The following ARID3B variants were observed in gnomAD, a reference collection of about 807,000 sequenced individuals.
The protein encoded by ARID3B is AT-rich interaction domain 3B, also known as AT-rich interactive domain-containing protein 3B.
In ARID3B, 10 loss-of-function variants were observed where a neutral mutation model predicts 51.9. That is an observed-to-expected ratio of 0.19 (90% CI 0.12 to 0.33). ARID3B has a LOEUF of 0.33. ARID3B is among the 10% of genes least tolerant of loss of function. ARID3B has a pLI of 1.00. For synonymous variants in ARID3B, 205 were observed against 279.5 expected, an observed-to-expected ratio of 0.73 and a Z score of 2.66; for missense variants, 483 against 716.3, an observed-to-expected ratio of 0.67 and a Z score of 3.72.
rs1596252943 is a variant in ARID3B, at chr15:74,556,546, A to T, written c.552+12058A>T. 1.3e-5 allele frequency among the ~76,000 whole-genome samples: 2 copies of T among 152,208 alleles called. 1 individual carries two copies. Among genetic ancestry groups the T allele is most frequent in the South Asian group, 4.1e-4 (2 of 4,830 alleles). ...CTGTGCTTTCAAACATTGGTACCTT[A>T]GAAATTCTAGTTTTAACATCTACCT... On this transcript the variant is annotated intron_variant, in intron 2 of 8. Coordinates refer to ENST00000346246, the MANE Select transcript of ARID3B (RefSeq NM_006465.4).
Position 74,591,427 on chromosome 15 carries a change from C to G in ARID3B, c.1158C>G (p.Leu386=), listed in dbSNP as rs986380329. Residue 386 remains leucine, a synonymous_variant, in exon 6 of 9, where the codon CTC becomes CTG. Coordinates refer to ENST00000346246, the MANE Select transcript of ARID3B (RefSeq NM_006465.4). This position sits in a 1 kb window ranked among gnomAD's most constrained non-coding sequence, Gnocchi z 5.8. ...SSPRISPATT[L]RKGDGAPVTT... is the part of the protein sequence containing the mutation. ...CTCGGATATCCCCAGCAACCACTCT[C>G]AGGAAAGGTCAGCAGGGCTCCTGGG... is the stretch of plus-strand genomic sequence containing the variant. 1 of 1,602,408 alleles carries G rather than the reference C, an allele frequency of 6.2e-7. No homozygotes were observed. The highest frequency in any genetic ancestry group is 8.5e-7 in the Non-Finnish European group (1 of 1,170,480).
intron 2 of ARID3B, among the ~76,000 whole-genome samples, chr15:74,549,699 A>G (rs182573283): frequency 1.3e-5 from 2 of 152,326 alleles, no homozygotes; most frequent in African/African-American, 4.8e-5. Context: ...TTATAGAGCT[A>G]CCTTGCATGC....
intron 4 of ARID3B, among the ~76,000 whole-genome samples, chr15:74,584,523 G>A (rs1270063274): frequency 6.6e-6 from 1 of 152,184 alleles, no homozygotes; most frequent in Non-Finnish European, 1.5e-5. Flanking sequence ...GGGCAGGAAG[G>A]CAGCCATATG....
rs2061827476 is a variant in ARID3B, at chr15:74,596,780, G to A, written c.*1006G>A. On this transcript the variant is annotated 3_prime_UTR_variant, in exon 9 of 9. Transcript: ENST00000346246. ...CATCTCTGAAATCTTTTTTATATGT[G>A]TTTTGCTGACTTTTGTTTTTTTTTT... 1 of 230,256 alleles carries A rather than the reference G, an allele frequency of 4.3e-6. No individual in the cohort carries two copies. Among genetic ancestry groups the A allele is most frequent in the African/African-American group, 2.3e-5 (1 of 43,366 alleles). 14.3% of individuals were successfully genotyped at this position (230,256 alleles called of 1,614,324 possible). A position where few individuals can be genotyped will look rare whatever the true frequency, so the allele number is the denominator to read the frequency against.
At chr15:74,566,368 G>A (rs1238447998) in intron 2 of ARID3B, among the ~76,000 whole-genome samples, 1 of 152,024 alleles carries the variant, frequency 6.6e-6, no homozygotes, top group Non-Finnish European at 1.5e-5. Flanking sequence ...GGGAGGCTGA[G>A]ACGGGCAGAT....
intron 1 of ARID3B, among the ~76,000 whole-genome samples, chr15:74,541,934 T>C (rs2061596919): frequency 6.6e-6 from 1 of 152,160 alleles, no homozygotes; most frequent in African/African-American, 2.4e-5. Flanking sequence ...TGGCATTGTT[T>C]GGATCGCTGG....
intron 4 of ARID3B, chr15:74,575,000 CA>C (rs907146055): frequency 0.016 from 852 of 52,758 alleles, 3 homozygotes; most frequent in East Asian, 0.059. Flanking sequence ...GACTCCATCT[CA>C]AAAAAAAAAA....
chr15:74,594,445 C>T (rs975338282), intron 8 of ARID3B, among the ~76,000 whole-genome samples: 5 of 151,794 alleles, frequency 3.3e-5, no homozygotes, highest in African/African-American at 1.2e-4. Context: ...GAGACTCCGT[C>T]TCAAAAAAAA....
intron 4 of ARID3B, 25 bp downstream of exon 4, chr15:74,573,229 C>G: frequency 6.2e-7 from 1 of 1,608,358 alleles, no homozygotes; most frequent in South Asian, 1.1e-5. Flanking sequence ...ACTCATCATT[C>G]CAATTCAGGG....
intron 2 of ARID3B, among the ~76,000 whole-genome samples, chr15:74,549,366 C>T (rs926986513): frequency 1.3e-5 from 2 of 152,010 alleles, no homozygotes; most frequent in Admixed American, 1.3e-4. Flanking sequence ...TGAGCCACTG[C>T]GCCCGGCCGG....
chr15:74,542,356 A>T (rs945476480), intron 1 of ARID3B, among the ~76,000 whole-genome samples: 1 of 152,242 alleles, frequency 6.6e-6, no homozygotes, highest in Non-Finnish European at 1.5e-5. Context: ...CTGCAAGCGT[A>T]ACTCACACTT....
chr15:74,573,475 CT>C lies in ARID3B; in HGVS notation c.697+273del, dbSNP rs1596258674. 2.1e-5 allele frequency: 10 copies of C among 482,746 alleles called. No individual in the cohort carries two copies. In the East Asian group the frequency reaches 3.6e-4, roughly 17 times the overall value. 29.9% of individuals were successfully genotyped at this position (482,746 alleles called of 1,614,324 possible). On this transcript the variant is annotated intron_variant, in intron 4 of 8. Transcript: ENST00000346246. ...TCCAATTGACTGGTCTCTGGAGTCA[CT>C]TCAAATTCAAATATGCCTTTTTTAA...
At position 74,541,948 on chromosome 15, in the gene ARID3B, C is replaced by A. The variant is rs547172664; in HGVS notation, c.-78+618C>A. ...GTGGCATTGTTTGGATCGCTGGCTG[C>A]TTAGGGACTGCGGGAAAATGGGCTC... On this transcript the variant is annotated intron_variant, in intron 1 of 8. Transcript: ENST00000346246. Among the ~76,000 whole-genome samples, 8 of 152,204 alleles carry A rather than the reference C, an allele frequency of 5.3e-5. No individual in the cohort carries two copies. The East Asian group carries it at 1.5e-3, about 29-fold the overall frequency.
chr15:74,568,041 T>G (rs1473106625), intron 2 of ARID3B, among the ~76,000 whole-genome samples: 1 of 152,204 alleles, frequency 6.6e-6, no homozygotes, highest in Non-Finnish European at 1.5e-5. Flanking sequence ...TCTCCCCTGA[T>G]CCTCTGTCTT....
At chr15:74,561,541 T>C (rs2061679482) in intron 2 of ARID3B, among the ~76,000 whole-genome samples, 1 of 152,194 alleles carries the variant, frequency 6.6e-6, no homozygotes. Context: ...AGTGAGGCAG[T>C]TATAAGCAGG....
intron 4 of ARID3B, among the ~76,000 whole-genome samples, chr15:74,583,031 C>CAAGAAAAAAAAAAAAA (rs2061767480): frequency 9.7e-6 from 1 of 102,804 alleles, no homozygotes. Context: ...CCATCTCTAC[C>CAAGAAAAAAAAAAAAA]AAAAAAAAAA....
chr15:74,589,858 A>C lies in ARID3B; in HGVS notation c.736A>C (p.Ile246Leu). 1 of 1,613,654 alleles carries C rather than the reference A, an allele frequency of 6.2e-7. No individual in the cohort carries two copies. Among genetic ancestry groups the C allele is most frequent in the Non-Finnish European group, 8.5e-7 (1 of 1,179,714 alleles). ...CCGAATCCCCATCATGGCCAAACAG[A>C]TCCTGGACCTGTACATGCTGTATAA... ...INRIPIMAKQ[I>L]LDLYMLYKLV... The change falls in exon 5 of 9, where the codon ATC becomes CTC. Residue 246 changes from isoleucine (I) to leucine (L), a missense_variant. Ile to Leu is a conservative substitution (Grantham distance 5, BLOSUM62 2). Around this residue, in one of 3 missense-constraint regions of ARID3B, gnomAD observed 36 missense variants for 117.5 expected, o/e 0.31. Coordinates refer to ENST00000346246, the MANE Select transcript of ARID3B (RefSeq NM_006465.4).
chr15:74,543,812 T>C, intron 1 of ARID3B, 48 bp from the exon 2 acceptor site: 2 of 1,266,796 alleles, frequency 1.6e-6, no homozygotes, highest in Non-Finnish European at 2.2e-6. Flanking sequence ...CTGCTTAACA[T>C]GGTTGTTTTT....
At chr15:74,572,294 C>T (rs1645527336) in intron 2 of ARID3B, among the ~76,000 whole-genome samples, 1 of 152,194 alleles carries the variant, frequency 6.6e-6, no homozygotes, top group African/African-American at 2.4e-5. Context: ...AGAGTCTGTA[C>T]CTTGGAAACA....
Sources: allele counts gnomAD v4.1 joint callset (sites outside exome capture counted in the v4.1 genomes callset), GRCh38; gene constraint gnomAD v4.1.1; regional missense constraint gnomAD v4.1.1; non-coding constraint Gnocchi (gnomAD v3.1); transcripts MANE v1.5; gene names NCBI Gene and HGNC (gene_info 2026-07-23, HGNC 2026-07-21).